Variants in NDFIP2 observed in about 807,000 individuals in gnomAD.
NDFIP2 encodes NEDD4 family-interacting protein 2.
A neutral mutation model predicts 36.0 loss-of-function variants in NDFIP2; 19 were observed. The ratio of observed to expected loss-of-function variants is 0.53; its 90% CI spans 0.37 to 0.77. NDFIP2 has a LOEUF of 0.77. Ranked by LOEUF, NDFIP2 falls within the 30% of genes least tolerant of loss-of-function variation. NDFIP2 has a pLI of 0.00. For synonymous variants in NDFIP2, 181 were observed against 167.7 expected (o/e 1.08, Z -0.61); for missense variants, 446 against 435.8 (o/e 1.02, Z -0.21).
intron 1 of NDFIP2, among the ~76,000 whole-genome samples, chr13:79,486,370 C>G (rs1872989908): frequency 6.6e-6 from 1 of 152,144 alleles, no homozygotes; most frequent in Admixed American, 6.5e-5. Flanking sequence ...ATTGTGGGCT[C>G]TACAGTTAAC....
chr13:79,509,707 A>AG (rs1566658591), intron 1 of NDFIP2, among the ~76,000 whole-genome samples: 9 of 150,912 alleles, frequency 6.0e-5, no homozygotes, highest in East Asian at 3.9e-4. Context: ...AGAGAGAGAG[A>AG]AGTTTATTAA....
At chr13:79,532,896 G>A (rs529348261) in intron 2 of NDFIP2, among the ~76,000 whole-genome samples, 1 of 152,306 alleles carries the variant, frequency 6.6e-6, no homozygotes, top group East Asian at 1.9e-4. Flanking sequence ...AGTGGTATAT[G>A]AAATGGTTAG....
At chr13:79,521,096 G>A in intron 2 of NDFIP2, 121 bp downstream of exon 2, 3 of 777,738 alleles carry the variant, frequency 3.9e-6, no homozygotes, top group Non-Finnish European at 6.0e-6. Flanking sequence ...ATTTATATAT[G>A]TATATACATA....
At chr13:79,545,983 C>G (rs1875657971) in intron 5 of NDFIP2, among the ~76,000 whole-genome samples, 1 of 152,168 alleles carries the variant, frequency 6.6e-6, no homozygotes, top group South Asian at 2.1e-4. Context: ...CTGCCTTGGC[C>G]TCCCAAAGTG....
intron 3 of NDFIP2, among the ~76,000 whole-genome samples, chr13:79,535,952 G>GAGTACATTC (rs1403940130): frequency 6.6e-6 from 1 of 152,156 alleles, no homozygotes; most frequent in Non-Finnish European, 1.5e-5. Flanking sequence ...ATTAGCATTT[G>GAGTACATTC]AGTACATTCA....
At position 79,555,802 on chromosome 13, in the gene NDFIP2, G is replaced by T. The variant is rs1876089489; in HGVS notation, c.*3289G>T. 6.6e-6 allele frequency: 1 copy of T among 152,070 alleles called. No homozygotes were observed. The highest frequency in any genetic ancestry group is 2.1e-4 in the South Asian group (1 of 4,830). 9.4% of individuals were successfully genotyped at this position (152,070 alleles called of 1,614,324 possible). Reference sequence around the variant, plus strand: ...ATGTCCTTGCCCATATATAAAACATGCTGGCATGTATTTTACTTGTTAATA... The same window carrying T: ...ATGTCCTTGCCCATATATAAAACATTCTGGCATGTATTTTACTTGTTAATA... On this transcript the variant is annotated 3_prime_UTR_variant, in exon 8 of 8. Coordinates refer to ENST00000218652, the MANE Select transcript of NDFIP2 (RefSeq NM_019080.3).
chr13:79,503,972 C>T (rs1873762544), intron 1 of NDFIP2, among the ~76,000 whole-genome samples: 1 of 152,094 alleles, frequency 6.6e-6, no homozygotes, highest in Non-Finnish European at 1.5e-5. Context: ...TGAGGATTAG[C>T]ACCCTTATTT....
rs1458084568 is a variant in NDFIP2, at chr13:79,481,426, G to A, written c.223G>A (p.Val75Met). Residue 75 changes from valine (V) to methionine (M), a missense_variant, in exon 1 of 8, where the codon GTG (valine) becomes ATG (methionine). Val to Met is a conservative substitution (Grantham distance 21). Coordinates refer to ENST00000218652, the MANE Select transcript of NDFIP2 (RefSeq NM_019080.3). ...AATTSSTGVA[V>M]GAEHGEDSLS... ...GACGACGTCGTCGACGGGGGTGGCC[G>A]TGGGAGCTGAGCACGGAGAAGACTC... 6.4e-7 allele frequency: 1 copy of A among 1,559,736 alleles called. No individual in the cohort carries two copies. Among genetic ancestry groups the A allele is most frequent in the Non-Finnish European group, 8.7e-7 (1 of 1,151,562 alleles).
chr13:79,517,591 G>A (rs957427568), intron 1 of NDFIP2, among the ~76,000 whole-genome samples: 18 of 152,202 alleles, frequency 1.2e-4, no homozygotes, highest in African/African-American at 3.6e-4. Flanking sequence ...ACAGTAGGCA[G>A]AGGTTGTTGA....
In NDFIP2 at chr13:79,527,399, A is replaced by G. The variant is rs139436150; in HGVS notation, c.488-5924A>G. Among the ~76,000 whole-genome samples the G allele has an allele frequency of 3.7e-3, 571 of 152,358 alleles. 3 individuals carry two copies. The highest frequency in any genetic ancestry group is 0.027 in the Middle Eastern group (8 of 294). ...AACATTTCCACGTAAAGGAAATTCCAAAATATGTTAAAAATAATCACTTAG... is the reference window on the plus strand; with the variant it reads ...AACATTTCCACGTAAAGGAAATTCCGAAATATGTTAAAAATAATCACTTAG... On this transcript the variant is annotated intron_variant, in intron 2 of 7. Transcript: ENST00000218652.
intron 1 of NDFIP2, among the ~76,000 whole-genome samples, chr13:79,503,312 C>T (rs1424149844): frequency 6.6e-6 from 1 of 152,092 alleles, no homozygotes; most frequent in African/African-American, 2.4e-5. Context: ...GTTGTCTTCC[C>T]TCCACCAGAA....
chr13:79,481,478 C>T lies in NDFIP2; in HGVS notation c.275C>T (p.Pro92Leu). Residue 92 changes from proline (P) to leucine (L), a missense_variant, in exon 1 of 8, where the codon CCG (proline) becomes CTG (leucine). Physicochemically the swap from Pro to Leu is moderately conservative, Grantham distance 98. This residue lies in a region of NDFIP2 where 369 missense variants were observed against 304.8 expected (regional missense o/e 1.21). Transcript: ENST00000218652. ...CTCTCTCGGAAGCCGGATCCCGAGC[C>T]GGGCAGGATGGATCACCACCAGCCG... ...DSLSRKPDPE[P>L]GRMDHHQPGT... The T allele has an allele frequency of 1.9e-6, 3 of 1,561,880 alleles. No homozygotes were observed. Among genetic ancestry groups the T allele is most frequent in the South Asian group, 1.2e-5 (1 of 84,772 alleles).
intron 1 of NDFIP2, 146 bp downstream of exon 1, chr13:79,481,670 C>CT (rs1162534596): frequency 9.9e-6 from 10 of 1,014,022 alleles, no homozygotes; most frequent in Non-Finnish European, 9.9e-6. Context: ...CTGGCTGGAG[C>CT]TGCTTCACTC....
intron 1 of NDFIP2, chr13:79,518,932 C>G (rs1252731951): frequency 1.3e-5 from 2 of 152,324 alleles, no homozygotes; most frequent in Admixed American, 1.3e-4. Context: ...CCTCAGCCTC[C>G]TTAGTAACTG....
chr13:79,534,898 C>T (rs1211283328), intron 3 of NDFIP2, among the ~76,000 whole-genome samples: 1 of 152,202 alleles, frequency 6.6e-6, no homozygotes, highest in African/African-American at 2.4e-5. Context: ...TCTTCCAGCA[C>T]ACACAGGGTT....
In NDFIP2 at chr13:79,481,352, C is replaced by G; in HGVS notation, c.149C>G (p.Pro50Arg). ...GGAGCCACAGGAAGTGAAGAGCTTCCGCCGGGAGACCGCGGCTGCAGGAAC... is the reference window on the plus strand; with the variant it reads ...GGAGCCACAGGAAGTGAAGAGCTTCGGCCGGGAGACCGCGGCTGCAGGAAC... ...AAGATGSEEL[P>R]PGDRGCRNGG... is the part of the protein sequence containing the mutation. Residue 50 changes from proline to arginine, a missense_variant, in exon 1 of 8, where the codon CCG becomes CGG. Pro to Arg is a moderately radical substitution (Grantham distance 103). Coordinates refer to ENST00000218652, the MANE Select transcript of NDFIP2 (RefSeq NM_019080.3). The G allele has an allele frequency of 6.4e-7, 1 of 1,550,460 alleles. No homozygotes were observed. Among genetic ancestry groups the G allele is most frequent in the Non-Finnish European group, 8.7e-7 (1 of 1,147,866 alleles).
At position 79,493,154 on chromosome 13, in the gene NDFIP2, G is replaced by T. The variant is rs540989530; in HGVS notation, c.321+11630G>T. Among the ~76,000 whole-genome samples, 9 of 152,238 alleles carry T rather than the reference G, an allele frequency of 5.9e-5. No individual in the cohort carries two copies. In the South Asian group the frequency reaches 1.0e-3, roughly 18 times the overall value. ...CTTGTTTATAATAGTTTATGTCATTGTTCTGGTCCTGTTATAGGTGCAAAA... is the reference window on the plus strand; with the variant it reads ...CTTGTTTATAATAGTTTATGTCATTTTTCTGGTCCTGTTATAGGTGCAAAA... On this transcript the variant is annotated intron_variant, in intron 1 of 7. Transcript: ENST00000218652.
intron 4 of NDFIP2, 123 bp from the exon 5 acceptor site, chr13:79,543,435 A>T: frequency 1.6e-6 from 2 of 1,253,060 alleles, no homozygotes; most frequent in Non-Finnish European, 2.2e-6. Flanking sequence ...AAGAAGGCTT[A>T]ATTGGCAGAG....
At chr13:79,481,582 G>A (rs753944635) in intron 1 of NDFIP2, 58 bp downstream of exon 1, 462 of 1,495,218 alleles carry the variant, frequency 3.1e-4, no homozygotes, top group Non-Finnish European at 4.0e-4. Flanking sequence ...CGTCCCGAGA[G>A]TCCCTTTCCT....
Sources: gnomAD v4.1 joint callset for allele counts (sites outside exome capture counted in the v4.1 genomes callset) on GRCh38, gnomAD v4.1.1 for gene constraint, gnomAD v4.1.1 regional missense constraint, MANE v1.5 for transcripts, NCBI Gene and HGNC (gene_info 2026-07-23, HGNC 2026-07-21) for gene names.